The following CACNB4 variants were observed in gnomAD, a reference collection of about 807,000 sequenced individuals.
CACNB4 encodes voltage-dependent L-type calcium channel subunit beta-4.
In CACNB4, 32 loss-of-function variants were observed where a neutral mutation model predicts 71.2. The observed-to-expected ratio is 0.45, with a 90% CI of 0.34 to 0.60. The LOEUF (loss-of-function observed/expected upper bound fraction) is 0.60, where lower values mean the gene tolerates loss of function less well. CACNB4 is among the 20% of genes least tolerant of loss of function. The pLI, the probability that CACNB4 is intolerant of heterozygous loss-of-function variation, is 0.01. For synonymous variants in CACNB4, 231 were observed against 236.9 expected (o/e 0.97, Z 0.23); for missense variants, 464 against 647.9 (o/e 0.72, Z 3.08).
At chr2:152,082,523 A>G (rs1687417217) in intron 2 of CACNB4, among the ~76,000 whole-genome samples, 1 of 152,214 alleles carries the variant, frequency 6.6e-6, no homozygotes, top group Non-Finnish European at 1.5e-5. Flanking sequence ...CTAACTGTAC[A>G]GTATATTCTA....
chr2:151,934,408 T>C (rs6748530), intron 2 of CACNB4, among the ~76,000 whole-genome samples: 123,043 of 152,184 alleles, frequency 0.81, 51,125 homozygotes, highest in Middle Eastern at 0.91. Flanking sequence ...TTTCAGCCAA[T>C]CACCTACCAG....
chr2:152,096,874 A>C (rs187254764), intron 2 of CACNB4, among the ~76,000 whole-genome samples: 1 of 152,344 alleles, frequency 6.6e-6, no homozygotes, highest in East Asian at 1.9e-4. Flanking sequence ...CAAACAGCTT[A>C]TGGAAAGAAC....
chr2:151,987,314 C>A (rs948720849), intron 2 of CACNB4, among the ~76,000 whole-genome samples: 1 of 152,112 alleles, frequency 6.6e-6, no homozygotes, highest in Non-Finnish European at 1.5e-5. Context: ...AGTATACTCC[C>A]GTAGCTCAGT....
chr2:152,039,324 GA>G (rs1684757363), intron 2 of CACNB4, among the ~76,000 whole-genome samples: 1 of 151,652 alleles, frequency 6.6e-6, no homozygotes, highest in Non-Finnish European at 1.5e-5. Flanking sequence ...GGCTGAGGCA[GA>G]GAACTGCTTG....
chr2:151,951,206 A>C (rs1195303928), intron 2 of CACNB4, among the ~76,000 whole-genome samples: 1 of 152,110 alleles, frequency 6.6e-6, no homozygotes, highest in Non-Finnish European at 1.5e-5. Flanking sequence ...GATTACAAGC[A>C]TGGGCCACTG....
At chr2:152,010,541 A>T (rs1254108580) in intron 2 of CACNB4, among the ~76,000 whole-genome samples, 3 of 152,264 alleles carry the variant, frequency 2.0e-5, no homozygotes, top group Non-Finnish European at 2.9e-5. Context: ...ATACACTGAT[A>T]TTAGAGACTT....
At position 151,833,365 on chromosome 2, in the gene CACNB4, A is replaced by AT. The variant is rs1403589775; in HGVS notation, c.*5753dup. 3 of 152,068 alleles carry AT rather than the reference A, an allele frequency of 2.0e-5. No individual in the cohort carries two copies. Among genetic ancestry groups the AT allele is most frequent in the Non-Finnish European group, 4.4e-5 (3 of 67,964 alleles). The allele number at this position is 152,068 out of a possible 1,614,324, so 9.4% of individuals were successfully genotyped here. On this transcript the variant is annotated 3_prime_UTR_variant, in exon 14 of 14. Transcript: ENST00000539935. ...AATTAAAGAATCCCTAACTAATATA[A>AT]TTTTTTGTGGTTGGGACATCTTTAT...
intron 2 of CACNB4, among the ~76,000 whole-genome samples, chr2:152,078,374 A>G (rs1687157533): frequency 6.6e-6 from 1 of 152,172 alleles, no homozygotes; most frequent in African/African-American, 2.4e-5. Flanking sequence ...CAACATCCAC[A>G]ATTTCATTTG....
chr2:152,067,789 GA>G (rs1206727916), intron 2 of CACNB4, among the ~76,000 whole-genome samples: 2 of 152,186 alleles, frequency 1.3e-5, no homozygotes, highest in Non-Finnish European at 2.9e-5. Context: ...TACCTGTGGT[GA>G]ACTGGGATGA....
chr2:152,074,310 C>A (rs1453802054), intron 2 of CACNB4, among the ~76,000 whole-genome samples: 1 of 151,768 alleles, frequency 6.6e-6, no homozygotes, highest in Non-Finnish European at 1.5e-5. Flanking sequence ...CGCTTTACCA[C>A]CATCGCCGCC....
chr2:151,928,185 T>C lies in CACNB4; in HGVS notation c.148-44815A>G, dbSNP rs150001531. Among the ~76,000 whole-genome samples the C allele has an allele frequency of 6.5e-3, 993 of 152,340 alleles. 8 individuals are homozygous for C. The highest frequency in any genetic ancestry group is 0.011 in the Non-Finnish European group (726 of 68,026). ...AGCTATCTATTTCCATTAAAGAGTA[T>C]AAAAGCAAATGATAGTCATGTATTG... On this transcript the variant is annotated intron_variant, in intron 2 of 13. Coordinates refer to ENST00000539935, the MANE Select transcript of CACNB4 (RefSeq NM_000726.5).
chr2:152,059,267 C>T (rs2105325865), intron 2 of CACNB4, among the ~76,000 whole-genome samples: 1 of 152,324 alleles, frequency 6.6e-6, no homozygotes, highest in Admixed American at 6.5e-5. Flanking sequence ...AATGACAGAT[C>T]CACTGACAGC....
At chr2:152,056,295 A>C (rs1260675324) in intron 2 of CACNB4, among the ~76,000 whole-genome samples, 1 of 151,364 alleles carries the variant, frequency 6.6e-6, no homozygotes, top group Non-Finnish European at 1.5e-5. Flanking sequence ...CAGGAGGCAG[A>C]GCTTGCAGTG....
intron 2 of CACNB4, among the ~76,000 whole-genome samples, chr2:152,078,569 C>T (rs1293575169): frequency 4.6e-5 from 7 of 152,166 alleles, no homozygotes; most frequent in African/African-American, 1.4e-4. Flanking sequence ...AGCTAGATGT[C>T]GCCTCATGAC....
chr2:151,864,466 G>T (rs539218263), intron 9 of CACNB4, among the ~76,000 whole-genome samples: 12 of 152,116 alleles, frequency 7.9e-5, no homozygotes, highest in African/African-American at 2.9e-4. Flanking sequence ...GTATTTCCAC[G>T]CTGGTAACGT....
At chr2:152,099,134 G>C, upstream of CACNB4, 1 of 568,874 alleles carries the variant, frequency 1.8e-6, no homozygotes, top group Non-Finnish European at 3.0e-6. Context: ...GACCCGCGCC[G>C]GCGCCCAGGC....
chr2:151,869,864 C>G, intron 8 of CACNB4: 1 of 289,396 alleles, frequency 3.5e-6, no homozygotes, highest in Non-Finnish European at 6.4e-6. Context: ...TGTCCTAGCT[C>G]GATGGGAATG....
intron 2 of CACNB4, among the ~76,000 whole-genome samples, chr2:151,925,856 G>A (rs1483663242): frequency 6.6e-6 from 1 of 152,168 alleles, no homozygotes; most frequent in Non-Finnish European, 1.5e-5. Context: ...CAGGATGTGA[G>A]AAGGAGAGTT....
chr2:152,073,516 T>A (rs1686816672), intron 2 of CACNB4, among the ~76,000 whole-genome samples: 1 of 152,156 alleles, frequency 6.6e-6, no homozygotes, highest in African/African-American at 2.4e-5. Context: ...TCCCCAAGGC[T>A]GGCATAAGTT....
Sources: gnomAD v4.1 joint callset for allele counts (sites outside exome capture counted in the v4.1 genomes callset) on GRCh38, gnomAD v4.1.1 for gene constraint, MANE v1.5 for transcripts, NCBI Gene and HGNC (gene_info 2026-07-23, HGNC 2026-07-21) for gene names.